The following SNF8 variants were observed in gnomAD, a reference collection of about 807,000 sequenced individuals.
SNF8 encodes the protein SNF8 subunit of ESCRT-II.
A neutral mutation model predicts 36.8 loss-of-function variants in SNF8; 19 were observed. The observed-to-expected ratio is 0.52, with a 90% CI of 0.36 to 0.76. The LOEUF is 0.76. SNF8 is among the 30% of genes least tolerant of loss of function. SNF8 has a pLI of 0.00. For missense variants in SNF8, 268 were observed against 322.9 expected (o/e 0.83, Z 1.30); for synonymous variants, 127 against 127.4 (o/e 1.00, Z 0.02).
intron 6 of SNF8, chr17:48,932,672 G>T (rs12602179): frequency 0.41 from 62,613 of 152,210 alleles, 15,422 homozygotes; most frequent in East Asian, 0.71. Context: ...AGAATCACTT[G>T]AACCCGGGAG....
intron 3 of SNF8, among the ~76,000 whole-genome samples, chr17:48,938,439 T>C (rs890818565): frequency 4.2e-5 from 6 of 142,350 alleles, no homozygotes; most frequent in Non-Finnish European, 7.5e-5. Context: ...AAGGTTGCAG[T>C]GACCCAAGAT....
rs114196731 is a variant in SNF8, at chr17:48,938,931, C to T, written c.245-1807G>A. ...CAATGCCTGGCACACAAATAAATAT[C>T]GTTTATGATTGTTATTCATTGTTTG... is the stretch of plus-strand genomic sequence containing the variant. On this transcript the variant is annotated intron_variant, in intron 3 of 7. Coordinates refer to ENST00000502492, the MANE Select transcript of SNF8 (RefSeq NM_007241.4). 5.9e-3 allele frequency among the ~76,000 whole-genome samples: 895 copies of T among 151,424 alleles called. 8 individuals are homozygous for T. The highest frequency in any genetic ancestry group is 0.021 in the African/African-American group (858 of 41,298).
chr17:48,937,153 TATTG>T, intron 3 of SNF8, 29 bp from the exon 4 acceptor site: 4 of 1,508,514 alleles, frequency 2.7e-6, no homozygotes, highest in Non-Finnish European at 3.7e-6. Context: ...AAATCTCGGT[TATTG>T]ATTAATTTAC....
At chr17:48,939,252 G>A (rs1287957261) in intron 3 of SNF8, among the ~76,000 whole-genome samples, 3 of 145,242 alleles carry the variant, frequency 2.1e-5, no homozygotes, top group Non-Finnish European at 4.5e-5. Flanking sequence ...GCAACAGAGT[G>A]AGACTCTGTC....
chr17:48,941,619 G>T (rs900076157), intron 2 of SNF8, among the ~76,000 whole-genome samples: 1 of 152,026 alleles, frequency 6.6e-6, no homozygotes, highest in African/African-American at 2.4e-5. Flanking sequence ...ATCCCACAAC[G>T]GATCACTTGA....
chr17:48,937,279 A>C, intron 3 of SNF8, 155 bp from the exon 4 acceptor site: 1 of 711,642 alleles, frequency 1.4e-6, no homozygotes, highest in East Asian at 2.7e-5. Context: ...AATCGGACTC[A>C]CGGTAACTCC....
intron 3 of SNF8, among the ~76,000 whole-genome samples, chr17:48,939,966 T>C (rs2040995657): frequency 1.3e-5 from 2 of 149,622 alleles, no homozygotes; most frequent in Admixed American, 1.4e-4. Context: ...TCCCAGCTAC[T>C]TGGGAGGCTG....
intron 4 of SNF8, among the ~76,000 whole-genome samples, chr17:48,936,472 A>G (rs964729283): frequency 2.6e-5 from 4 of 152,238 alleles, no homozygotes; most frequent in African/African-American, 9.6e-5. Context: ...AAGCAGTATC[A>G]TCTTTGAAAA....
intron 2 of SNF8, among the ~76,000 whole-genome samples, chr17:48,942,453 T>A (rs2143819989): frequency 6.6e-6 from 1 of 152,238 alleles, no homozygotes; most frequent in East Asian, 1.9e-4. Context: ...GGTTTACTAT[T>A]TTTCCTCAGC....
intron 5 of SNF8, among the ~76,000 whole-genome samples, chr17:48,933,763 C>T (rs2040895525): frequency 6.6e-6 from 1 of 152,164 alleles, no homozygotes; most frequent in Admixed American, 6.5e-5. Context: ...CAACACTCAA[C>T]TACGTCAGTA....
chr17:48,940,229 T>TG (rs912843977), intron 3 of SNF8, among the ~76,000 whole-genome samples: 1 of 151,808 alleles, frequency 6.6e-6, no homozygotes, highest in African/African-American at 2.4e-5. Flanking sequence ...TTTGTAGAGA[T>TG]GGAGTCTCGC....
chr17:48,935,694 T>C (rs979727938), intron 5 of SNF8: 2 of 152,780 alleles, frequency 1.3e-5, no homozygotes, highest in Admixed American at 6.5e-5. Flanking sequence ...AAAAAAAGAC[T>C]ATATATAGCC....
chr17:48,937,119 T>G lies in SNF8; in HGVS notation c.250A>C (p.Lys84Gln). 6.2e-7 allele frequency: 1 copy of G among 1,613,032 alleles called. No homozygotes were observed. Among genetic ancestry groups the G allele is most frequent in the Non-Finnish European group, 8.5e-7 (1 of 1,178,982 alleles). ...CCCAGCATCTCAGACCAAAATCCTT[T>G]TCCAGCTACAAGACAGAAAAACAAA... The part of the protein sequence containing the change: ...TIGVDPLASG[K>Q]GFWSEMLGVG... Residue 84 changes from lysine (K) to glutamine (Q), a missense_variant, in exon 4 of 8, where the codon AAA becomes CAA. Coordinates refer to ENST00000502492, the MANE Select transcript of SNF8 (RefSeq NM_007241.4).
intron 6 of SNF8, chr17:48,932,848 CAA>C (rs2040879746): frequency 5.4e-6 from 1 of 186,056 alleles, no homozygotes; most frequent in Non-Finnish European, 1.1e-5. Flanking sequence ...GCATGGCAAA[CAA>C]GATTTTTTAA....
rs184106640 is a variant in SNF8, at chr17:48,936,184, G to A, written c.408C>T (p.Ala136=). Residue 136 remains alanine, a synonymous_variant, in exon 5 of 8, where the codon GCC becomes GCT. Coordinates refer to ENST00000502492, the MANE Select transcript of SNF8 (RefSeq NM_007241.4). The part of the protein sequence containing the change: ...QQVLKGRGKF[A]QDVSQDDLIR... ...ACAAGACCTACTGACTGACATCCTGGGCGAACTTGCCCCTTCCCTTCAACA... is the reference window on the plus strand; with the variant it reads ...ACAAGACCTACTGACTGACATCCTGAGCGAACTTGCCCCTTCCCTTCAACA... 157 of 1,613,750 alleles carry A rather than the reference G, an allele frequency of 9.7e-5. No homozygotes were observed. Among genetic ancestry groups the A allele is most frequent in the Non-Finnish European group, 1.1e-4 (127 of 1,179,704 alleles).
intron 5 of SNF8, chr17:48,934,480 T>C: frequency 4.7e-6 from 1 of 214,526 alleles, no homozygotes; most frequent in South Asian, 4.8e-5. Context: ...GGCAGGTACC[T>C]GTAATCCCAG....
Position 48,933,323 on chromosome 17 carries a change from T to C in SNF8, c.446A>G (p.Lys149Arg). The change falls in exon 6 of 8, where the codon AAG becomes AGG. Residue 149 changes from lysine to arginine, a missense_variant. Physicochemically the swap from Lys to Arg is conservative, Grantham distance 26 (BLOSUM62 2). Coordinates refer to ENST00000502492, the MANE Select transcript of SNF8 (RefSeq NM_007241.4). ...VSQDDLIRAI[K>R]KLKALGTGFG... ...GCCAGTGCCAAGTGCCTTTAGTTTC[T>C]TGATGGCTCTGATCAGGTCATCTCT... 1.9e-6 allele frequency: 3 copies of C among 1,614,220 alleles called. No homozygotes were observed. The highest frequency in any genetic ancestry group is 2.5e-6 in the Non-Finnish European group (3 of 1,180,040).
At chr17:48,936,020 G>GTTTGT (rs76381857) in intron 5 of SNF8, 150 bp downstream of exon 5, 272,072 of 563,744 alleles carry the variant, frequency 0.48, 72,158 homozygotes, top group East Asian at 0.72. Flanking sequence ...CTTATTTTTT[G>GTTTGT]TTTGTTTTTT....
At chr17:48,936,727 A>T (rs1257521776) in intron 4 of SNF8, 3 of 456,696 alleles carry the variant, frequency 6.6e-6, no homozygotes, top group African/African-American at 5.9e-5. Flanking sequence ...CACTCCAGAC[A>T]CATCAGACAT....
Sources: allele counts gnomAD v4.1 joint callset (sites outside exome capture counted in the v4.1 genomes callset), GRCh38; gene constraint gnomAD v4.1.1; transcripts MANE v1.5; gene names NCBI Gene and HGNC (gene_info 2026-07-23, HGNC 2026-07-21).